The following SYCE1 variants were observed in gnomAD, a reference collection of about 807,000 sequenced individuals.
SYCE1 encodes the protein cancer/testis antigen 76.
In SYCE1, 37 loss-of-function variants were observed where a neutral mutation model predicts 55.1. The ratio of observed to expected loss-of-function variants is 0.67; its 90% CI spans 0.52 to 0.88. The LOEUF is 0.88. Among genes scored for constraint, SYCE1 ranks in the 40% least tolerant of loss-of-function variants. The pLI, the probability that SYCE1 is intolerant of heterozygous loss-of-function variation, is 0.00. For missense variants in SYCE1, 399 were observed against 416.4 expected, an observed-to-expected ratio of 0.96 and a Z score of 0.36; for synonymous variants, 163 against 159.4, an observed-to-expected ratio of 1.02 and a Z score of -0.17.
chr10:133,567,146 G>C (rs147418497), upstream of SYCE1, among the ~76,000 whole-genome samples: 1,105 of 151,582 alleles, frequency 7.3e-3, 9 homozygotes, highest in South Asian at 0.015. Flanking sequence ...TAGGGTTAGG[G>C]GTCAGGGGTC....
At chr10:133,556,191 G>T in intron 8 of SYCE1, 144 bp from the exon 9 acceptor site, 2 of 877,648 alleles carry the variant, frequency 2.3e-6, no homozygotes, top group Non-Finnish European at 3.5e-6. Flanking sequence ...CTACAGTACA[G>T]CCTCAGGGCC....
upstream of SYCE1, chr10:133,567,714 G>C (rs1017830168): frequency 1.3e-5 from 3 of 226,460 alleles, no homozygotes; most frequent in African/African-American, 2.3e-5. Flanking sequence ...GGCAGGCATG[G>C]GGAGCTGGGG....
rs575817256 is a variant in SYCE1, at chr10:133,565,392, C to T, written c.73+65G>A. On this transcript the variant is annotated intron_variant, in intron 1 of 12. Transcript: ENST00000343131. ...AGGAAGAAGCAGCCGCCACCCGCGCCCCAACCCTGCCCCGCCTCGGCGAGG... is the reference window on the plus strand; with the variant it reads ...AGGAAGAAGCAGCCGCCACCCGCGCTCCAACCCTGCCCCGCCTCGGCGAGG... The T allele has an allele frequency of 2.0e-5, 28 of 1,420,802 alleles. No homozygotes were observed. The African/African-American group carries it at 3.6e-4, about 18-fold the overall frequency. 88.0% of individuals were successfully genotyped at this position (1,420,802 alleles called of 1,614,324 possible). A position where few individuals can be genotyped will look rare whatever the true frequency, so the allele number is the denominator to read the frequency against.
chr10:133,567,601 G>A (rs1368058974), upstream of SYCE1, among the ~76,000 whole-genome samples: 2 of 152,006 alleles, frequency 1.3e-5, no homozygotes, highest in Non-Finnish European at 2.9e-5. Flanking sequence ...AAGTCCTTTG[G>A]TCCATTTCAT....
At chr10:133,563,684 C>T (rs761465219) in intron 1 of SYCE1, among the ~76,000 whole-genome samples, 8 of 55,110 alleles carry the variant, frequency 1.5e-4, no homozygotes, top group Admixed American at 2.5e-4. Flanking sequence ...AGCACAATCT[C>T]GTCTCAAAAA....
At chr10:133,557,986 G>A (rs1851729787) in intron 5 of SYCE1, 68 bp from the exon 6 acceptor site, 1 of 1,585,622 alleles carries the variant, frequency 6.3e-7, no homozygotes, top group African/African-American at 1.3e-5. Context: ...GGGGAACACA[G>A]CCAGATCATG....
intron 1 of SYCE1, among the ~76,000 whole-genome samples, chr10:133,564,644 G>A (rs774949954): frequency 1.3e-5 from 2 of 152,202 alleles, no homozygotes; most frequent in African/African-American, 2.4e-5. Context: ...TGGCATTCAC[G>A]CAGGTAGGGC....
Position 133,559,335 on chromosome 10 carries a change from C to T in SYCE1, c.162G>A (p.Glu54=), listed in dbSNP as rs35120947. The change falls in exon 3 of 13, where the codon GAG becomes GAA. Residue 54 remains glutamate (E), a synonymous_variant. Transcript: ENST00000343131. The stretch of plus-strand genomic sequence containing the variant: ...CCTCATTAATCCGGTTAATCAGGAC[C>T]TCAACTCGGGGCTCTAGGCTTCCCA... The part of the protein sequence containing the change: ...QKVGSLEPRV[E]VLINRINEVQ... The T allele has an allele frequency of 1.3e-3, 2,167 of 1,614,110 alleles. 30 individuals carry two copies. The African/African-American group carries it at 0.026, about 19-fold the overall frequency.
chr10:133,558,098 GC>G (rs564389538), intron 5 of SYCE1, 68 bp downstream of exon 5: 208 of 1,599,106 alleles, frequency 1.3e-4, no homozygotes, highest in Non-Finnish European at 1.7e-4. Context: ...GGCTTCAGCT[GC>G]CATAGGGAGA....
chr10:133,554,426 C>A, downstream of SYCE1: 1 of 1,085,578 alleles, frequency 9.2e-7, no homozygotes, highest in South Asian at 1.3e-5. Context: ...TGGGTCAACG[C>A]ATTTCAGTGA....
At position 133,560,122 on chromosome 10, in the gene SYCE1, G is replaced by A. The variant is rs1851786606; in HGVS notation, c.105C>T (p.Asp35=). Residue 35 remains aspartate (D), a synonymous_variant, in exon 2 of 13, where the codon GAC becomes GAT. Coordinates refer to ENST00000343131, the MANE Select transcript of SYCE1 (RefSeq NM_001143764.3). ...GCAGCTTTTGCACCATTTCCATCAAGTCTTCAATTTTCTGTGAGGACGTGT... is the reference window on the plus strand; with the variant it reads ...GCAGCTTTTGCACCATTTCCATCAAATCTTCAATTTTCTGTGAGGACGTGT... ...GQDTSSQKIE[D]LMEMVQKLQK... is the part of the protein sequence containing the mutation. The A allele has an allele frequency of 4.3e-6, 7 of 1,613,960 alleles. No homozygotes were observed. In the African/African-American group the frequency reaches 6.7e-5, roughly 15 times the overall value.
rs748995498 is a variant in SYCE1, at chr10:133,559,279, C to A, written c.196+22G>T. ...AAACCATGCAGCTGGTCCTAGCTGG[C>A]AGCCAAGGCCCCTGAACTCACCTTG... On this transcript the variant is annotated intron_variant, in intron 3 of 12. Coordinates refer to ENST00000343131, the MANE Select transcript of SYCE1 (RefSeq NM_001143764.3). 2.5e-6 allele frequency: 4 copies of A among 1,613,760 alleles called. No individual in the cohort carries two copies. The East Asian group carries it at 6.7e-5, about 27-fold the overall frequency.
intron 6 of SYCE1, chr10:133,557,631 C>A (rs11101824): frequency 1.7e-6 from 1 of 587,500 alleles, no homozygotes; most frequent in African/African-American, 1.9e-5. Flanking sequence ...AAAATAAAAA[C>A]CAGCTGAAGA....
chr10:133,559,795 G>T, intron 2 of SYCE1: 1 of 454,946 alleles, frequency 2.2e-6, no homozygotes, highest in Non-Finnish European at 4.0e-6. Flanking sequence ...TGAGGGGGAA[G>T]GAAGGGAAGT....
chr10:133,567,844 C>T (rs1400880313), upstream of SYCE1: 2 of 403,498 alleles, frequency 5.0e-6, no homozygotes, highest in Non-Finnish European at 9.9e-6. Flanking sequence ...CATCCTGGAG[C>T]AGGTGGGGCA....
chr10:133,558,821 G>A, intron 4 of SYCE1, 56 bp downstream of exon 4: 3 of 1,564,184 alleles, frequency 1.9e-6, no homozygotes, highest in Non-Finnish European at 2.6e-6. Context: ...GGAATACAGG[G>A]TTAGGGGAGG....
chr10:133,563,689 C>A (rs367781687), intron 1 of SYCE1, among the ~76,000 whole-genome samples: 64 of 142,482 alleles, frequency 4.5e-4, no homozygotes, highest in South Asian at 9.2e-4. Context: ...AATCTCGTCT[C>A]AAAAAAAAAA....
chr10:133,566,141 A>C (rs992648827), upstream of SYCE1, among the ~76,000 whole-genome samples: 7 of 152,164 alleles, frequency 4.6e-5, no homozygotes, highest in African/African-American at 1.4e-4. Flanking sequence ...TCCCTTCTGC[A>C]CGGTCCCTGC....
chr10:133,558,300 G>A (rs1238590536), intron 4 of SYCE1, 86 bp from the exon 5 acceptor site: 8 of 1,492,716 alleles, frequency 5.4e-6, no homozygotes, highest in South Asian at 1.1e-5. Context: ...ATGGGAAGCT[G>A]GGCACAGCCT....
Sources: allele counts gnomAD v4.1 joint callset (sites outside exome capture counted in the v4.1 genomes callset), GRCh38; gene constraint gnomAD v4.1.1; transcripts MANE v1.5; gene names NCBI Gene and HGNC (gene_info 2026-07-23, HGNC 2026-07-21).